KIAA0408: variants seen among roughly 807,000 people sequenced by gnomAD.
KIAA0408 encodes the protein KIAA0408, also known as uncharacterized protein KIAA0408.
A neutral mutation model predicts 60.9 loss-of-function variants in KIAA0408; 51 were observed. The ratio of observed to expected loss-of-function variants is 0.84; its 90% CI spans 0.67 to 1.06. The LOEUF (loss-of-function observed/expected upper bound fraction) is 1.06. KIAA0408 is among the 50% of genes least tolerant of loss of function. The probability of loss-of-function intolerance (pLI) is 0.00; values close to 1 mark genes in which losing one functional copy is unlikely to be tolerated. For synonymous variants in KIAA0408, 304 were observed against 282.4 expected (o/e 1.08, Z -0.77); for missense variants, 787 against 833.9 (o/e 0.94, Z 0.69).
intron 4 of KIAA0408, among the ~76,000 whole-genome samples, chr6:127,448,186 T>C (rs753417974): frequency 6.6e-6 from 1 of 152,250 alleles, no homozygotes; most frequent in African/African-American, 2.4e-5. Flanking sequence ...TTTTAAGTAG[T>C]CAGATACAAA....
intron 5 of KIAA0408, among the ~76,000 whole-genome samples, chr6:127,445,959 T>G (rs1392035385): frequency 6.6e-6 from 1 of 152,134 alleles, no homozygotes. Context: ...ATTAATCCTA[T>G]GAGAAAGAAC....
rs539110788 is a variant in KIAA0408, at chr6:127,443,587, G to A, written c.*522C>T. 2.8e-4 allele frequency: 43 copies of A among 152,454 alleles called. No homozygotes were observed. The highest frequency in any genetic ancestry group is 9.9e-4 in the African/African-American group (41 of 41,560). The allele number at this position is 152,454 out of a possible 1,614,324, so 9.4% of individuals were successfully genotyped here. ...CTTTTTCATTGTAGCTGGGGGCCAA[G>A]GAAGTGGTCAATTAATATTTGTACT... is the stretch of plus-strand genomic sequence containing the variant. On this transcript the variant is annotated 3_prime_UTR_variant, in exon 6 of 6. Transcript: ENST00000483725.
intron 1 of KIAA0408, among the ~76,000 whole-genome samples, chr6:127,457,586 C>T (rs1773418159): frequency 6.6e-6 from 1 of 152,222 alleles, no homozygotes. Context: ...ACCAGCATTG[C>T]ATAATCCCTT....
Position 127,452,884 on chromosome 6 carries a change from C to T in KIAA0408, c.135+963G>A, listed in dbSNP as rs567775265. Among the ~76,000 whole-genome samples, 8 of 152,162 alleles carry T rather than the reference C, an allele frequency of 5.3e-5. No homozygotes were observed. In the South Asian group the frequency reaches 1.5e-3, roughly 28 times the overall value. On this transcript the variant is annotated intron_variant, in intron 2 of 5. Transcript: ENST00000483725. ...TTCTCCTTTAATCCCTAATCATACA[C>T]CACATGCCTGCCTTCTCAGCTCTAT...
At chr6:127,456,909 T>TCCTTCTGTCCTTTGTTCCCTC (rs1773405706) in intron 1 of KIAA0408, among the ~76,000 whole-genome samples, 3 of 152,098 alleles carry the variant, frequency 2.0e-5, no homozygotes, top group Non-Finnish European at 4.4e-5. Context: ...CTTGTTTTCT[T>TCCTTCTGTCCTTTGTTCCCTC]CCTTCTGTCC....
chr6:127,450,242 T>TG lies in KIAA0408; in HGVS notation c.245dup (p.Asn83LysfsTer9). The TG allele has an allele frequency of 1.2e-6, 2 of 1,614,018 alleles. No individual in the cohort carries two copies. The highest frequency in any genetic ancestry group is 1.7e-6 in the Non-Finnish European group (2 of 1,179,982). On this transcript the variant is annotated frameshift_variant, in exon 3 of 6. Transcript: ENST00000483725. LOFTEE classifies it high-confidence loss of function. ...CACTTTGTCCTAAATCGGGGTAATT[T>TG]GGGGAAGATTCTATCACTTTCTCTG... is the stretch of plus-strand genomic sequence containing the variant.
rs758866551 is a variant in KIAA0408 at position 127,447,282 on chromosome 6, A to G, written c.1037T>C (p.Ile346Thr). ...TTCATTACTTGGAGGCTTGCTATCT[A>G]TTTTGACTTCTGGTACCAAAGAGGA... ...IFSSLVPEVKIDSKPPSNEDV... is the reference protein window; with the variant it reads ...IFSSLVPEVKTDSKPPSNEDV... Residue 346 changes from isoleucine to threonine, a missense_variant, in exon 5 of 6, where the codon ATA becomes ACA. Ile to Thr is a moderately conservative substitution (Grantham distance 89, BLOSUM62 -1). Coordinates refer to ENST00000483725, the MANE Select transcript of KIAA0408 (RefSeq NM_014702.5). 7 of 1,613,940 alleles carry G rather than the reference A, an allele frequency of 4.3e-6. No homozygotes were observed. Among genetic ancestry groups the G allele is most frequent in the African/African-American group, 1.3e-5 (1 of 74,920 alleles).
At chr6:127,455,390 A>G (rs1028187079) in intron 1 of KIAA0408, among the ~76,000 whole-genome samples, 1 of 152,160 alleles carries the variant, frequency 6.6e-6, no homozygotes, top group East Asian at 1.9e-4. Context: ...TATTCACAGA[A>G]GATAACTGCA....
At chr6:127,458,251 A>G (rs1306851075) in intron 1 of KIAA0408, among the ~76,000 whole-genome samples, 3 of 152,168 alleles carry the variant, frequency 2.0e-5, no homozygotes, top group African/African-American at 4.8e-5. Flanking sequence ...AATTATTTCA[A>G]TGAATTAATA....
intron 2 of KIAA0408, among the ~76,000 whole-genome samples, chr6:127,453,268 A>G (rs1046978256): frequency 6.6e-6 from 1 of 152,076 alleles, no homozygotes; most frequent in African/African-American, 2.4e-5. Context: ...ACTGTGTCAG[A>G]GTCGTGATAT....
chr6:127,453,535 G>A (rs1029865697), intron 2 of KIAA0408, among the ~76,000 whole-genome samples: 1 of 151,642 alleles, frequency 6.6e-6, no homozygotes, highest in Non-Finnish European at 1.5e-5. Flanking sequence ...TTTACTCCTG[G>A]ACCTGGTATT....
intron 5 of KIAA0408, 105 bp downstream of exon 5, chr6:127,446,303 A>G (rs2114791065): frequency 1.3e-6 from 2 of 1,509,074 alleles, no homozygotes; most frequent in East Asian, 4.5e-5. Context: ...AGAAGAGTCC[A>G]AAACTTGTGC....
Position 127,441,844 on chromosome 6 carries a change from A to G in KIAA0408, c.*2265T>C, listed in dbSNP as rs1259755274. The G allele has an allele frequency of 1.3e-5, 2 of 150,206 alleles. No homozygotes were observed. The highest frequency in any genetic ancestry group is 4.9e-5 in the African/African-American group (2 of 40,942). 9.3% of individuals were successfully genotyped at this position (150,206 alleles called of 1,614,324 possible). A position where few individuals can be genotyped will look rare whatever the true frequency, so the allele number is the denominator to read the frequency against. Reference sequence around the variant, plus strand: ...CAATCAAGGAGTTGGACTAGATGCTATTTTTTTTTTCTCAGCTCTAACTAT... The same window carrying G: ...CAATCAAGGAGTTGGACTAGATGCTGTTTTTTTTTTCTCAGCTCTAACTAT... On this transcript the variant is annotated 3_prime_UTR_variant, in exon 6 of 6. Transcript: ENST00000483725.
rs1311250154 is a variant in KIAA0408 at position 127,454,017 on chromosome 6, G to A, written c.-36C>T. Reference sequence around the variant, plus strand: ...TAAGTGTCAGCAAAGAAGTGTTTCTGCTCTTCTCTGCCTCCTCTTAACTGT... The same window carrying A: ...TAAGTGTCAGCAAAGAAGTGTTTCTACTCTTCTCTGCCTCCTCTTAACTGT... On this transcript the variant is annotated 5_prime_UTR_variant, in exon 2 of 6. Coordinates refer to ENST00000483725, the MANE Select transcript of KIAA0408 (RefSeq NM_014702.5). 1 of 1,590,778 alleles carries A rather than the reference G, an allele frequency of 6.3e-7. No homozygotes were observed.
chr6:127,444,370 C>A, intron 5 of KIAA0408, 88 bp from the exon 6 acceptor site: 5 of 979,260 alleles, frequency 5.1e-6, no homozygotes, highest in South Asian at 5.3e-5. Context: ...AAGATTAGTC[C>A]GTTAGTAAAT....
chr6:127,444,719 C>T (rs1773160346), intron 5 of KIAA0408, among the ~76,000 whole-genome samples: 1 of 150,694 alleles, frequency 6.6e-6, no homozygotes. Context: ...AGAGGTGATA[C>T]GCAAAAGGCA....
intron 2 of KIAA0408, 63 bp from the exon 3 acceptor site, chr6:127,450,415 T>G (rs947701542): frequency 6.7e-7 from 1 of 1,501,340 alleles, no homozygotes; most frequent in African/African-American, 1.4e-5. Context: ...CTAATATTCT[T>G]GATACTAAGC....
At chr6:127,450,686 T>C (rs1773287473) in intron 2 of KIAA0408, 1 of 194,454 alleles carries the variant, frequency 5.1e-6, no homozygotes, top group African/African-American at 2.4e-5. Flanking sequence ...TTACTGGCCA[T>C]ATTATATAAT....
chr6:127,450,029 A>G lies in KIAA0408; in HGVS notation c.459T>C (p.Ser153=), dbSNP rs1445998084. The change falls in exon 3 of 6, where the codon TCT becomes TCC. Residue 153 remains serine, a synonymous_variant. Transcript: ENST00000483725. ...ECEAWPDLRT[S]EEDSKSCSGA... Reference sequence around the variant, plus strand: ...CAGAACAGCTCTTGCTGTCTTCCTCAGAAGTCCTCAGGTCAGGCCAGGCCT... The same window carrying G: ...CAGAACAGCTCTTGCTGTCTTCCTCGGAAGTCCTCAGGTCAGGCCAGGCCT... The G allele has an allele frequency of 3.1e-6, 5 of 1,613,858 alleles. No individual in the cohort carries two copies. The highest frequency in any genetic ancestry group is 4.2e-6 in the Non-Finnish European group (5 of 1,179,966).
Sources: allele counts gnomAD v4.1 joint callset (sites outside exome capture counted in the v4.1 genomes callset), GRCh38; gene constraint gnomAD v4.1.1; transcripts MANE v1.5; gene names NCBI Gene and HGNC (gene_info 2026-07-23, HGNC 2026-07-21).